The following MRC2 variants were observed in gnomAD, a reference collection of about 807,000 sequenced individuals.
MRC2 encodes the protein C-type mannose receptor 2.
MRC2 carries 84 observed loss-of-function variants against 206.2 expected under a neutral mutation model. That is an observed-to-expected ratio of 0.41 (90% CI 0.34 to 0.49). The LOEUF (loss-of-function observed/expected upper bound fraction) is 0.49. Among genes scored for constraint, MRC2 ranks in the 20% least tolerant of loss-of-function variants. The pLI, the probability that MRC2 is intolerant of heterozygous loss-of-function variation, is 0.31. For missense variants in MRC2, 1,676 were observed against 2,001.5 expected (o/e 0.84, Z 3.10); for synonymous variants, 798 against 800.0 (o/e 1.00, Z 0.04).
Position 62,675,963 on chromosome 17 carries a change from C to A in MRC2, c.1685+58C>A. On this transcript the variant is annotated intron_variant, in intron 10 of 29. Coordinates refer to ENST00000303375, the MANE Select transcript of MRC2 (RefSeq NM_006039.5). This position sits in a 1 kb window ranked among gnomAD's most constrained non-coding sequence, Gnocchi z 4.1. ...TGCCCATGTCTGGGCCTATTGTGGT[C>A]CCTTCAGCAAACAGGGTAGCATCTG... The A allele has an allele frequency of 6.9e-7, 1 of 1,442,946 alleles. No homozygotes were observed. Among genetic ancestry groups the A allele is most frequent in the South Asian group, 1.2e-5 (1 of 86,742 alleles). The allele number at this position is 1,442,946 out of a possible 1,614,324, so 89.4% of individuals were successfully genotyped here. A position where few individuals can be genotyped will look rare whatever the true frequency, so the allele number is the denominator to read the frequency against.
intron 28 of MRC2, among the ~76,000 whole-genome samples, chr17:62,691,475 T>C (rs759577265): frequency 9.2e-5 from 14 of 152,002 alleles, no homozygotes; most frequent in South Asian, 2.1e-4. Flanking sequence ...AAAATGGGAA[T>C]AATAGTAGTT....
intron 20 of MRC2, among the ~76,000 whole-genome samples, chr17:62,685,285 T>C (rs576602355): frequency 6.6e-6 from 1 of 152,286 alleles, no homozygotes; most frequent in Admixed American, 6.5e-5. Context: ...ATCACAGCTA[T>C]CAATATTTGT....
chr17:62,674,869 C>G (rs78296800), intron 9 of MRC2, among the ~76,000 whole-genome samples: 6 of 152,002 alleles, frequency 3.9e-5, no homozygotes, highest in Non-Finnish European at 7.4e-5. Context: ...GGCCCTTGGC[C>G]CCCCCCAGCA....
At chr17:62,656,561 C>T (rs1489060446) in intron 1 of MRC2, among the ~76,000 whole-genome samples, 1 of 152,142 alleles carries the variant, frequency 6.6e-6, no homozygotes, top group African/African-American at 2.4e-5. Context: ...TAAGAAAGCC[C>T]CCAAGGGAGC....
Position 62,688,587 on chromosome 17 carries a change from C to G in MRC2, c.3148C>G (p.Gln1050Glu). ...ASQRDFQWVEQEPLMYANWAP... is the reference protein window; with the variant it reads ...ASQRDFQWVEEEPLMYANWAP... ...GCAGAGGGACTTCCAGTGGGTGGAGCAGGAGCCTTTGATGTATGCCAACTG... is the reference window on the plus strand; with the variant it reads ...GCAGAGGGACTTCCAGTGGGTGGAGGAGGAGCCTTTGATGTATGCCAACTG... Residue 1050 changes from glutamine (Q) to glutamate (E), a missense_variant, in exon 22 of 30, where the codon CAG becomes GAG. Physicochemically the swap from Gln to Glu is conservative, Grantham distance 29. Transcript: ENST00000303375. 1 of 1,614,244 alleles carries G rather than the reference C, an allele frequency of 6.2e-7. No individual in the cohort carries two copies. The highest frequency in any genetic ancestry group is 8.5e-7 in the Non-Finnish European group (1 of 1,180,044).
chr17:62,659,322 C>T (rs993456110), intron 1 of MRC2, among the ~76,000 whole-genome samples: 2 of 152,102 alleles, frequency 1.3e-5, no homozygotes, highest in African/African-American at 2.4e-5. Context: ...GGAGGCTCAC[C>T]TGAGGTCAGG....
At position 62,691,090 on chromosome 17, in the gene MRC2, C is replaced by T. The variant is rs1387812421; in HGVS notation, c.4154C>T (p.Thr1385Ile). 6.2e-7 allele frequency: 1 copy of T among 1,609,486 alleles called. No individual in the cohort carries two copies. The highest frequency in any genetic ancestry group is 8.5e-7 in the Non-Finnish European group (1 of 1,178,632). The change falls in exon 28 of 30, where the codon ACC becomes ATC. Residue 1385 changes from threonine to isoleucine, a missense_variant. By Grantham distance (89) the Thr-to-Ile change is moderately conservative. This residue lies in a region of MRC2 where 1,354 missense variants were observed against 1,636.6 expected (regional missense o/e 0.83). Coordinates refer to ENST00000303375, the MANE Select transcript of MRC2 (RefSeq NM_006039.5). ...GGGCTATGGCGCCCCGGCGCTTGCA[C>T]CAACATCACCATGGGTGTCGTCTGC... ...NSGLWRPGAC[T>I]NITMGVVCKL...
At chr17:62,632,959 C>G (rs1005546854) in intron 1 of MRC2, among the ~76,000 whole-genome samples, 1 of 152,272 alleles carries the variant, frequency 6.6e-6, no homozygotes. Flanking sequence ...TGTTTCCCCC[C>G]GTCAGTCCTC....
rs2088910604 is a variant in MRC2, at chr17:62,677,621, T to C, written c.2052+135T>C. On this transcript the variant is annotated intron_variant, in intron 12 of 29. Transcript: ENST00000303375. ...GCAGACGGGTGATTTCTGGTGAGAC[T>C]TGTCCATGGAATCTGGAGGCCTGGT... 5.4e-6 allele frequency: 4 copies of C among 747,578 alleles called. No homozygotes were observed. In the South Asian group the frequency reaches 8.3e-5, roughly 16 times the overall value. The allele number at this position is 747,578 out of a possible 1,614,324, so 46.3% of individuals were successfully genotyped here.
chr17:62,688,748 G>A (rs2089063601), intron 22 of MRC2, 84 bp downstream of exon 22: 1 of 1,592,812 alleles, frequency 6.3e-7, no homozygotes, highest in Admixed American at 1.7e-5. Context: ...TCTTGCCCCA[G>A]GGTCTCCCTT....
chr17:62,633,097 T>C (rs2088266013), intron 1 of MRC2, among the ~76,000 whole-genome samples: 3 of 152,110 alleles, frequency 2.0e-5, no homozygotes, highest in Non-Finnish European at 4.4e-5. Flanking sequence ...CTTGTAGAGG[T>C]ATTATAAGAT....
Position 62,667,077 on chromosome 17 carries a change from G to T in MRC2, c.973+207G>T, listed in dbSNP as rs540938201. Reference sequence around the variant, plus strand: ...GAAGGTCTTGGTGCATATGGACTGGGTGCCAGCCTCCACTCACCTCTTCAG... The same window carrying T: ...GAAGGTCTTGGTGCATATGGACTGGTTGCCAGCCTCCACTCACCTCTTCAG... On this transcript the variant is annotated intron_variant, in intron 5 of 29. Coordinates refer to ENST00000303375, the MANE Select transcript of MRC2 (RefSeq NM_006039.5). The surrounding 1 kb of genome is among the most constrained non-coding windows in gnomAD (Gnocchi z 4.1). Among the ~76,000 whole-genome samples, 1 of 152,068 alleles carries T rather than the reference G, an allele frequency of 6.6e-6. No individual in the cohort carries two copies. The highest frequency in any genetic ancestry group is 1.5e-5 in the Non-Finnish European group (1 of 68,016).
intron 1 of MRC2, among the ~76,000 whole-genome samples, chr17:62,656,392 A>G (rs1362200329): frequency 6.6e-6 from 1 of 152,114 alleles, no homozygotes; most frequent in Non-Finnish European, 1.5e-5. Flanking sequence ...GGATCTCACC[A>G]TGTTACCTAG....
chr17:62,635,344 C>T (rs1271353413), intron 1 of MRC2, among the ~76,000 whole-genome samples: 1 of 152,012 alleles, frequency 6.6e-6, no homozygotes, highest in Non-Finnish European at 1.5e-5. Context: ...CCTCAATGGT[C>T]CTACCCCCTA....
intron 1 of MRC2, among the ~76,000 whole-genome samples, chr17:62,644,787 C>T (rs1364383710): frequency 6.6e-6 from 1 of 152,118 alleles, no homozygotes; most frequent in Admixed American, 6.5e-5. Context: ...CATAGGATTC[C>T]TCCACGCTGG....
intron 20 of MRC2, among the ~76,000 whole-genome samples, chr17:62,683,509 CCTTT>C (rs1436538780): frequency 4.8e-5 from 7 of 145,350 alleles, no homozygotes; most frequent in Middle Eastern, 3.5e-3. Flanking sequence ...AAAAAAAACA[CCTTT>C]TTTTTTTTTT....
chr17:62,672,184 C>G lies in MRC2; in HGVS notation c.1461+32C>G, dbSNP rs2088834688. 6.2e-7 allele frequency: 1 copy of G among 1,612,704 alleles called. No homozygotes were observed. The highest frequency in any genetic ancestry group is 1.3e-5 in the African/African-American group (1 of 74,982). ...TCTCCCTCTCCCTATCACAGGGCCA[C>G]AAAATACACCCCCAACCTCCAGGTG... On this transcript the variant is annotated intron_variant, in intron 8 of 29. Coordinates refer to ENST00000303375, the MANE Select transcript of MRC2 (RefSeq NM_006039.5). This position sits in a 1 kb window ranked among gnomAD's most constrained non-coding sequence, Gnocchi z 4.5.
intron 10 of MRC2, 111 bp downstream of exon 10, chr17:62,676,016 C>A (rs901614037): frequency 7.0e-6 from 6 of 856,438 alleles, no homozygotes; most frequent in Non-Finnish European, 1.1e-5. Context: ...ACCTGGAGTC[C>A]TGTGAACCTC....
rs1455577631 is a variant in MRC2 at position 62,690,853 on chromosome 17, C to T, written c.4012+92C>T. On this transcript the variant is annotated intron_variant, in intron 27 of 29. Coordinates refer to ENST00000303375, the MANE Select transcript of MRC2 (RefSeq NM_006039.5). Reference sequence around the variant, plus strand: ...CCCTGAGCCTTGTCCTGGGGCTTGTCGGGGGACAGGGAGTCGGTTCTAGAA... The same window carrying T: ...CCCTGAGCCTTGTCCTGGGGCTTGTTGGGGGACAGGGAGTCGGTTCTAGAA... 10 of 1,492,590 alleles carry T rather than the reference C, an allele frequency of 6.7e-6. No individual in the cohort carries two copies. In the East Asian group the frequency reaches 9.7e-5, roughly 15 times the overall value. 92.5% of individuals were successfully genotyped at this position (1,492,590 alleles called of 1,614,324 possible).
Sources: gnomAD v4.1 joint callset for allele counts (sites outside exome capture counted in the v4.1 genomes callset) on GRCh38, gnomAD v4.1.1 for gene constraint, gnomAD v4.1.1 regional missense constraint, Gnocchi (gnomAD v3.1) non-coding constraint, MANE v1.5 for transcripts, NCBI Gene and HGNC (gene_info 2026-07-23, HGNC 2026-07-21) for gene names.